The following MRC2 variants were observed in gnomAD, a reference collection of about 807,000 sequenced individuals.
MRC2 encodes C-type mannose receptor 2.
A neutral mutation model predicts 206.2 loss-of-function variants in MRC2; 84 were observed. The observed-to-expected ratio is 0.41, with a 90% CI of 0.34 to 0.49. MRC2 has a LOEUF of 0.49. Ranked by LOEUF, MRC2 falls within the 20% of genes least tolerant of loss-of-function variation. MRC2 has a pLI of 0.31. For synonymous variants in MRC2, 798 were observed against 800.0 expected, an observed-to-expected ratio of 1.00 and a Z score of 0.04; for missense variants, 1,676 against 2,001.5, an observed-to-expected ratio of 0.84 and a Z score of 3.10.
At chr17:62,661,983 C>T (rs2088686531) in intron 1 of MRC2, among the ~76,000 whole-genome samples, 2 of 152,100 alleles carry the variant, frequency 1.3e-5, no homozygotes, top group African/African-American at 4.8e-5. Context: ...TGCGGTGGCT[C>T]ATGCCTGTAA....
In MRC2 at chr17:62,680,620, G is replaced by A. The variant is rs571698984; in HGVS notation, c.2473+167G>A. ...GGCAGCCACAGCCCTGTTTGCTTCC[G>A]TGTGGGAGGCGAGGCAAGCCTGGGG... On this transcript the variant is annotated intron_variant, in intron 16 of 29. Coordinates refer to ENST00000303375, the MANE Select transcript of MRC2 (RefSeq NM_006039.5). This position sits in a 1 kb window ranked among gnomAD's most constrained non-coding sequence, Gnocchi z 4.8. 3.1e-6 allele frequency: 4 copies of A among 1,277,516 alleles called. No homozygotes were observed. Among genetic ancestry groups the A allele is most frequent in the African/African-American group, 1.5e-5 (1 of 67,080 alleles). The allele number at this position is 1,277,516 out of a possible 1,614,324, so 79.1% of individuals were successfully genotyped here.
At chr17:62,656,430 G>C (rs2088620229) in intron 1 of MRC2, among the ~76,000 whole-genome samples, 1 of 152,194 alleles carries the variant, frequency 6.6e-6, no homozygotes, top group Non-Finnish European at 1.5e-5. Context: ...GGGCTCAAAC[G>C]ATCTTCCCAC....
rs1303054363 is a variant in MRC2 at position 62,692,020 on chromosome 17, C to G, written c.4193-92C>G. ...TAGAGCCTCTTTCTCCCCAGACCTCCCGGCCCAGGCCTGTGTGCTTTGTAT... is the reference window on the plus strand; with the variant it reads ...TAGAGCCTCTTTCTCCCCAGACCTCGCGGCCCAGGCCTGTGTGCTTTGTAT... On this transcript the variant is annotated intron_variant, in intron 28 of 29. Coordinates refer to ENST00000303375, the MANE Select transcript of MRC2 (RefSeq NM_006039.5). The surrounding 1 kb of genome is among the most constrained non-coding windows in gnomAD (Gnocchi z 4.2). The G allele has an allele frequency of 1.9e-6, 3 of 1,566,032 alleles. No individual in the cohort carries two copies. The highest frequency in any genetic ancestry group is 2.7e-5 in the African/African-American group (2 of 73,950).
In MRC2 at chr17:62,687,944, C is replaced by T. The variant is rs144221017; in HGVS notation, c.2947-345C>T. Among the ~76,000 whole-genome samples, 149 of 152,210 alleles carry T rather than the reference C, an allele frequency of 9.8e-4. 4 individuals are homozygous for T. Among genetic ancestry groups the T allele is most frequent in the Non-Finnish European group, 8.7e-4 (59 of 68,018 alleles). On this transcript the variant is annotated intron_variant, in intron 20 of 29. Coordinates refer to ENST00000303375, the MANE Select transcript of MRC2 (RefSeq NM_006039.5). ...GTTCAAAGGGCAAGATAATGGATGT[C>T]AGACAACATTCGGAAGGGTGTTTAG...
chr17:62,692,266 C>G lies in MRC2; in HGVS notation c.4255C>G (p.Leu1419Val), dbSNP rs2089121049. The G allele has an allele frequency of 6.2e-7, 1 of 1,606,738 alleles. No homozygotes were observed. The highest frequency in any genetic ancestry group is 1.3e-5 in the African/African-American group (1 of 74,874). Residue 1419 changes from leucine to valine, a missense_variant, in exon 30 of 30, where the codon CTG becomes GTG. Leu to Val is a conservative substitution (Grantham distance 32). Around this residue, in one of 3 missense-constraint regions of MRC2, gnomAD observed 1,354 missense variants for 1,636.6 expected, o/e 0.83. Transcript: ENST00000303375. This position sits in a 1 kb window ranked among gnomAD's most constrained non-coding sequence, Gnocchi z 4.2. ...PENPAALVVV[L>V]MAVLLLLALL... ...GAACCCAGCGGCCCTGGTGGTGGTG[C>G]TGATGGCGGTGCTGCTGCTCCTGGC...
chr17:62,645,242 A>T (rs980252573), intron 1 of MRC2, among the ~76,000 whole-genome samples: 1 of 152,024 alleles, frequency 6.6e-6, no homozygotes, highest in Non-Finnish European at 1.5e-5. Context: ...GGTCAGCATC[A>T]GATAATTCCG....
intron 20 of MRC2, among the ~76,000 whole-genome samples, chr17:62,685,120 C>T (rs560232406): frequency 6.0e-5 from 9 of 151,190 alleles, no homozygotes; most frequent in Non-Finnish European, 1.2e-4. Context: ...CCAGCCTGGG[C>T]GAGAGATTGA....
rs551793053 is a variant in MRC2 at position 62,673,000 on chromosome 17, A to AT, written c.1461+848_1461+849insT. 7.9e-4 allele frequency among the ~76,000 whole-genome samples: 119 copies of AT among 151,480 alleles called. 1 individual carries two copies. Among genetic ancestry groups the AT allele is most frequent in the East Asian group, 1.4e-3 (7 of 5,156 alleles). On this transcript the variant is annotated intron_variant, in intron 8 of 29. Coordinates refer to ENST00000303375, the MANE Select transcript of MRC2 (RefSeq NM_006039.5). The surrounding 1 kb of genome is among the most constrained non-coding windows in gnomAD (Gnocchi z 4.5). ...GAGCAAGACCCTGTCTCAAAAAAAA[A>AT]AAAATAAAATAAAAAGGAGAAAGCC...
intron 1 of MRC2, among the ~76,000 whole-genome samples, chr17:62,646,626 G>A (rs2088489718): frequency 6.6e-6 from 1 of 152,204 alleles, no homozygotes; most frequent in African/African-American, 2.4e-5. Flanking sequence ...TGTCAGCAGT[G>A]TCTGCTCCTT....
intron 1 of MRC2, among the ~76,000 whole-genome samples, chr17:62,628,399 C>T (rs1171517657): frequency 6.6e-6 from 1 of 152,110 alleles, no homozygotes; most frequent in African/African-American, 2.4e-5. Context: ...GTTCGTTTCC[C>T]CCACCTTCCC....
At position 62,667,693 on chromosome 17, in the gene MRC2, C is replaced by T. The variant is rs563135492; in HGVS notation, c.1117+160C>T. ...TTTCATTGTTCAGTTAAAGTCTGAG[C>T]AAATTGGAATATGTCATTAATTCAT... On this transcript the variant is annotated intron_variant, in intron 6 of 29. Coordinates refer to ENST00000303375, the MANE Select transcript of MRC2 (RefSeq NM_006039.5). This position sits in a 1 kb window ranked among gnomAD's most constrained non-coding sequence, Gnocchi z 4.1. Among the ~76,000 whole-genome samples the T allele has an allele frequency of 5.3e-5, 8 of 152,308 alleles. No individual in the cohort carries two copies. Among genetic ancestry groups the T allele is most frequent in the African/African-American group, 1.9e-4 (8 of 41,548 alleles).
Position 62,666,910 on chromosome 17 carries a change from C to A in MRC2, c.973+40C>A. The stretch of plus-strand genomic sequence containing the variant: ...TGGGGGCGCAGGGCAGCATAGGGGC[C>A]CCGCGGGCTCTTGGCCTCCCATGGA... On this transcript the variant is annotated intron_variant, in intron 5 of 29. Coordinates refer to ENST00000303375, the MANE Select transcript of MRC2 (RefSeq NM_006039.5). The surrounding 1 kb of genome is among the most constrained non-coding windows in gnomAD (Gnocchi z 5.0). 2 of 1,538,030 alleles carry A rather than the reference C, an allele frequency of 1.3e-6. No homozygotes were observed. The highest frequency in any genetic ancestry group is 1.8e-4 in the Middle Eastern group (1 of 5,422).
chr17:62,631,186 G>A (rs1330772280), intron 1 of MRC2, among the ~76,000 whole-genome samples: 1 of 152,172 alleles, frequency 6.6e-6, no homozygotes, highest in African/African-American at 2.4e-5. Context: ...TTCCTCATCA[G>A]TTTAAGCATC....
At chr17:62,681,744 C>T (rs994736808) in intron 18 of MRC2, 93 bp from the exon 19 acceptor site, 6 of 1,003,946 alleles carry the variant, frequency 6.0e-6, no homozygotes, top group African/African-American at 1.6e-5. Context: ...TGGGCCCTTC[C>T]CTGCCCCCAT....
In MRC2 at chr17:62,688,282, C is replaced by G. The variant is rs1021625383; in HGVS notation, c.2947-7C>G. The G allele has an allele frequency of 6.2e-7, 1 of 1,613,396 alleles. No individual in the cohort carries two copies. The highest frequency in any genetic ancestry group is 8.5e-7 in the Non-Finnish European group (1 of 1,179,560). On this transcript the variant is annotated splice_region_variant and splice_polypyrimidine_tract_variant and intron_variant, in intron 20 of 29. Coordinates refer to ENST00000303375, the MANE Select transcript of MRC2 (RefSeq NM_006039.5). Reference sequence around the variant, plus strand: ...CTGGCCATTACATCCCCACCTCTGCCCCACAGTGTTTTCAGGTCCAGGGCC... The same window carrying G: ...CTGGCCATTACATCCCCACCTCTGCGCCACAGTGTTTTCAGGTCCAGGGCC...
At chr17:62,659,193 C>T (rs1344640572) in intron 1 of MRC2, among the ~76,000 whole-genome samples, 1 of 152,066 alleles carries the variant, frequency 6.6e-6, no homozygotes, top group East Asian at 1.9e-4. Flanking sequence ...CCCTAATGAC[C>T]TAAGCACCTC....
intron 6 of MRC2, among the ~76,000 whole-genome samples, chr17:62,669,641 T>A (rs546637824): frequency 1.3e-5 from 2 of 151,982 alleles, no homozygotes; most frequent in South Asian, 4.2e-4. Context: ...GCGATTCTCA[T>A]CTCCAGGTTC....
chr17:62,641,479 A>C (rs898652866), intron 1 of MRC2, among the ~76,000 whole-genome samples: 8 of 152,186 alleles, frequency 5.3e-5, no homozygotes, highest in African/African-American at 1.9e-4. Context: ...GCAGCTTTGC[A>C]GTCATCTTGG....
At chr17:62,655,783 C>G (rs961606167) in intron 1 of MRC2, among the ~76,000 whole-genome samples, 1 of 151,308 alleles carries the variant, frequency 6.6e-6, no homozygotes, top group Admixed American at 6.6e-5. Flanking sequence ...TTCTATCACA[C>G]TTCATTTATC....
Sources: allele counts gnomAD v4.1 joint callset (sites outside exome capture counted in the v4.1 genomes callset), GRCh38; gene constraint gnomAD v4.1.1; regional missense constraint gnomAD v4.1.1; non-coding constraint Gnocchi (gnomAD v3.1); transcripts MANE v1.5; gene names NCBI Gene and HGNC (gene_info 2026-07-23, HGNC 2026-07-21).